The following SYCP2L variants were observed in gnomAD, a reference collection of about 807,000 sequenced individuals.
SYCP2L encodes the protein synaptonemal complex protein 2 like.
In SYCP2L, 98 loss-of-function variants were observed where a neutral mutation model predicts 125.8. The ratio of observed to expected loss-of-function variants is 0.78; its 90% CI spans 0.66 to 0.92. The LOEUF (loss-of-function observed/expected upper bound fraction) is 0.92, where lower values mean the gene tolerates loss of function less well. Among genes scored for constraint, SYCP2L ranks in the 40% least tolerant of loss-of-function variants. The pLI, the probability that SYCP2L is intolerant of heterozygous loss-of-function variation, is 0.00. For missense variants in SYCP2L, 842 were observed against 936.4 expected, an observed-to-expected ratio of 0.90 and a Z score of 1.32; for synonymous variants, 317 against 325.4, an observed-to-expected ratio of 0.97 and a Z score of 0.28.
intron 25 of SYCP2L, among the ~76,000 whole-genome samples, chr6:10,956,764 G>A (rs765529847): frequency 6.6e-6 from 1 of 152,060 alleles, no homozygotes; most frequent in Non-Finnish European, 1.5e-5. Context: ...AGCTTGGCCC[G>A]TGGTAATCAT....
At chr6:10,904,578 A>T (rs1273100129) in intron 8 of SYCP2L, among the ~76,000 whole-genome samples, 3 of 152,182 alleles carry the variant, frequency 2.0e-5, no homozygotes, top group Non-Finnish European at 2.9e-5. Flanking sequence ...AGAGCAGCTG[A>T]TCTCATGTTT....
intron 29 of SYCP2L, among the ~76,000 whole-genome samples, chr6:10,968,734 T>G (rs1192071253): frequency 2.6e-5 from 4 of 152,060 alleles, no homozygotes; most frequent in African/African-American, 7.2e-5. Flanking sequence ...CAGGAGGAGA[T>G]GTACGCACAG....
At chr6:10,911,478 T>G (rs577267165) in intron 12 of SYCP2L, among the ~76,000 whole-genome samples, 42 of 152,228 alleles carry the variant, frequency 2.8e-4, no homozygotes, top group South Asian at 6.2e-4. Context: ...ATGTCCTCAT[T>G]CATGATTTCT....
chr6:10,920,603 C>T (rs185925207), intron 14 of SYCP2L, among the ~76,000 whole-genome samples: 17 of 152,260 alleles, frequency 1.1e-4, no homozygotes, highest in Admixed American at 5.9e-4. Context: ...GTTATAATTG[C>T]GTTCCTTTTT....
At chr6:10,945,389 T>G (rs1035097566) in intron 23 of SYCP2L, among the ~76,000 whole-genome samples, 6 of 152,218 alleles carry the variant, frequency 3.9e-5, no homozygotes, top group Non-Finnish European at 1.5e-5. Context: ...AGAAGTGTAT[T>G]AAAAACTTTC....
intron 4 of SYCP2L, among the ~76,000 whole-genome samples, chr6:10,896,504 T>C (rs1025201457): frequency 6.6e-6 from 1 of 152,134 alleles, no homozygotes; most frequent in Non-Finnish European, 1.5e-5. Flanking sequence ...TTAAAAAGCA[T>C]AGAATTTTGA....
intron 8 of SYCP2L, among the ~76,000 whole-genome samples, chr6:10,903,307 G>A (rs554703430): frequency 1.3e-5 from 2 of 152,242 alleles, no homozygotes; most frequent in African/African-American, 4.8e-5. Flanking sequence ...CCAGCGCTTT[G>A]GGAGGCCAAG....
At chr6:10,898,877 T>C in intron 6 of SYCP2L, 29 bp downstream of exon 6, 2 of 1,293,686 alleles carry the variant, frequency 1.5e-6, no homozygotes, top group Non-Finnish European at 2.2e-6. Flanking sequence ...ACTAATTGGC[T>C]ATTAATTTTT....
intron 21 of SYCP2L, among the ~76,000 whole-genome samples, chr6:10,941,625 C>T (rs577468710): frequency 1.2e-3 from 182 of 152,246 alleles, no homozygotes; most frequent in African/African-American, 3.5e-3. Context: ...GTTAGAATGG[C>T]GATCATTAAA....
chr6:10,971,800 A>AGCCTCTTG (rs369852264), intron 29 of SYCP2L, among the ~76,000 whole-genome samples: 83,658 of 151,602 alleles, frequency 0.55, 24,043 homozygotes, highest in East Asian at 0.91. Flanking sequence ...TCTCCTGCCT[A>AGCCTCTTG]AGAGGCTGGG....
rs1051217720 is a variant in SYCP2L, at chr6:10,954,036, C to T, written c.1955-1080C>T. On this transcript the variant is annotated intron_variant, in intron 23 of 29. Coordinates refer to ENST00000283141, the MANE Select transcript of SYCP2L (RefSeq NM_001040274.3). The surrounding 1 kb of genome is among the most constrained non-coding windows in gnomAD (Gnocchi z 4.8). ...GAGCAGAGTGGAGGAAGGGTCACTT[C>T]GTCTTTACCTCTCACTATCTGCCAG... Among the ~76,000 whole-genome samples the T allele has an allele frequency of 6.6e-6, 1 of 152,202 alleles. No individual in the cohort carries two copies. The highest frequency in any genetic ancestry group is 1.5e-5 in the Non-Finnish European group (1 of 68,040).
intron 10 of SYCP2L, among the ~76,000 whole-genome samples, chr6:10,908,285 G>T (rs1033977506): frequency 6.6e-6 from 1 of 152,268 alleles, no homozygotes; most frequent in East Asian, 1.9e-4. Flanking sequence ...ACCTTGAATG[G>T]TAGGAAGAAT....
chr6:10,971,298 A>G (rs984287339), intron 29 of SYCP2L, among the ~76,000 whole-genome samples: 51 of 151,832 alleles, frequency 3.4e-4, no homozygotes, highest in Admixed American at 3.3e-3. Context: ...CTCTACTAAA[A>G]ATACAAAAAA....
At chr6:10,910,410 A>T (rs1218328826) in intron 11 of SYCP2L, among the ~76,000 whole-genome samples, 2 of 152,152 alleles carry the variant, frequency 1.3e-5, no homozygotes, top group African/African-American at 4.8e-5. Flanking sequence ...AATTACCTCT[A>T]TCAGTTTTAT....
intron 14 of SYCP2L, among the ~76,000 whole-genome samples, chr6:10,915,707 G>A (rs748550316): frequency 3.6e-4 from 54 of 152,084 alleles, no homozygotes; most frequent in Non-Finnish European, 6.5e-4. Context: ...TTGATATGTC[G>A]TTGGATTCGG....
At chr6:10,961,183 C>G in intron 26 of SYCP2L, 122 bp from the exon 27 acceptor site, 1 of 760,928 alleles carries the variant, frequency 1.3e-6, no homozygotes, top group Non-Finnish European at 2.2e-6. Context: ...ACTACATGTT[C>G]CCATGACAAG....
intron 10 of SYCP2L, among the ~76,000 whole-genome samples, chr6:10,909,732 A>C (rs1337018147): frequency 6.6e-6 from 1 of 152,308 alleles, no homozygotes; most frequent in East Asian, 1.9e-4. Context: ...GATCACAGTT[A>C]ATACATTTTG....
At chr6:10,945,928 G>A (rs183316545) in intron 23 of SYCP2L, among the ~76,000 whole-genome samples, 178 of 151,966 alleles carry the variant, frequency 1.2e-3, no homozygotes, top group African/African-American at 3.9e-3. Context: ...TGTTTATTTC[G>A]TTTAGAATTT....
chr6:10,889,441 A>T (rs919892704), intron 1 of SYCP2L, among the ~76,000 whole-genome samples: 4 of 152,180 alleles, frequency 2.6e-5, no homozygotes, highest in African/African-American at 9.7e-5. Flanking sequence ...ATCTACTCGT[A>T]TAGCTATTTG....
Sources: gnomAD v4.1 joint callset for allele counts (sites outside exome capture counted in the v4.1 genomes callset) on GRCh38, gnomAD v4.1.1 for gene constraint, Gnocchi (gnomAD v3.1) non-coding constraint, MANE v1.5 for transcripts, NCBI Gene and HGNC (gene_info 2026-07-23, HGNC 2026-07-21) for gene names.